CCR3: variants seen among roughly 807,000 people sequenced by gnomAD.
CCR3 encodes the protein C-C chemokine receptor type 3.
For synonymous variants in CCR3, 203 were observed against 179.2 expected (o/e 1.13, Z -1.06); for missense variants, 419 against 437.5 (o/e 0.96, Z 0.38).
intron 2 of CCR3, among the ~76,000 whole-genome samples, chr3:46,234,730 C>T (rs929459139): frequency 6.6e-6 from 1 of 152,138 alleles, no homozygotes; most frequent in Non-Finnish European, 1.5e-5. Context: ...ATAATTTATC[C>T]CAAATTTATG....
chr3:46,262,092 TCC>T (rs1559539037), intron 1 of CCR3, among the ~76,000 whole-genome samples: 7 of 152,256 alleles, frequency 4.6e-5, no homozygotes, highest in Non-Finnish European at 5.9e-5. Context: ...TGGCCCTTCC[TCC>T]AGATCTCTGC....
intron 1 of CCR3, among the ~76,000 whole-genome samples, chr3:46,260,559 C>T (rs556041129): frequency 1.3e-5 from 2 of 152,186 alleles, no homozygotes; most frequent in Non-Finnish European, 2.9e-5. Flanking sequence ...GCAGTCAAAC[C>T]TTAAAGCTCC....
At chr3:46,234,417 T>G (rs1700001432) in intron 2 of CCR3, among the ~76,000 whole-genome samples, 1 of 152,142 alleles carries the variant, frequency 6.6e-6, no homozygotes, top group Non-Finnish European at 1.5e-5. Flanking sequence ...CCTTGACATC[T>G]GTGAAACATC....
chr3:46,224,407 G>C (rs965232458), intron 2 of CCR3, among the ~76,000 whole-genome samples: 4 of 150,822 alleles, frequency 2.7e-5, no homozygotes, highest in African/African-American at 7.3e-5. Flanking sequence ...GACCAGCCTG[G>C]CTAACACCAA....
At chr3:46,216,526 T>C (rs1022114457) in intron 2 of CCR3, among the ~76,000 whole-genome samples, 5 of 152,184 alleles carry the variant, frequency 3.3e-5, no homozygotes, top group Admixed American at 2.0e-4. Flanking sequence ...AAGATCATCA[T>C]CTAGGCACCT....
chr3:46,242,762 A>G (rs1700106199), intron 1 of CCR3, among the ~76,000 whole-genome samples: 1 of 151,618 alleles, frequency 6.6e-6, no homozygotes, highest in Non-Finnish European at 1.5e-5. Context: ...CCACACAATG[A>G]TAAGTTTGCG....
chr3:46,264,508 T>C (rs1268283949), intron 1 of CCR3: 3 of 1,125,456 alleles, frequency 2.7e-6, no homozygotes, highest in Non-Finnish European at 3.8e-6. Flanking sequence ...CATTTGAATC[T>C]AGTGACAGGA....
rs1428569859 is a variant in CCR3, at chr3:46,242,521, C to T, written c.-29C>T. ...TATCGAAATACAATAGAAGTTTTTA[C>T]TTAGAAGAGATTTTCAGGTAGGTGT... On this transcript the variant is annotated 5_prime_UTR_variant, in exon 1 of 2. Coordinates refer to ENST00000395940, the MANE Select transcript of CCR3 (RefSeq NM_178329.3). The T allele has an allele frequency of 1.3e-5, 2 of 151,800 alleles. No individual in the cohort carries two copies. The highest frequency in any genetic ancestry group is 2.4e-5 in the African/African-American group (1 of 41,278). The allele number at this position is 151,800 out of a possible 1,614,324, so 9.4% of individuals were successfully genotyped here.
At chr3:46,213,913 C>T (rs1699745096) in intron 2 of CCR3, among the ~76,000 whole-genome samples, 1 of 152,190 alleles carries the variant, frequency 6.6e-6, no homozygotes, top group African/African-American at 2.4e-5. Flanking sequence ...CAGTCTCTCC[C>T]TTAAACACAC....
chr3:46,262,893 G>C (rs975141244), intron 1 of CCR3, among the ~76,000 whole-genome samples: 4 of 152,134 alleles, frequency 2.6e-5, no homozygotes, highest in African/African-American at 9.7e-5. Context: ...GGGCTCAGGT[G>C]AGCCTCCCAC....
chr3:46,261,169 G>C (rs1468246107), intron 1 of CCR3, among the ~76,000 whole-genome samples: 4 of 152,136 alleles, frequency 2.6e-5, no homozygotes, highest in Non-Finnish European at 4.4e-5. Context: ...ATTTACAAAT[G>C]TAACACAATT....
intron 2 of CCR3, among the ~76,000 whole-genome samples, chr3:46,224,027 G>A (rs1241831833): frequency 6.6e-6 from 1 of 152,042 alleles, no homozygotes; most frequent in African/African-American, 2.4e-5. Context: ...TCAAATAAAG[G>A]GATGCATATA....
intron 2 of CCR3, among the ~76,000 whole-genome samples, chr3:46,212,311 T>C (rs1699723902): frequency 6.6e-6 from 1 of 152,166 alleles, no homozygotes; most frequent in Non-Finnish European, 1.5e-5. Flanking sequence ...GGGCACACTG[T>C]CTGCATGACG....
At chr3:46,213,759 A>G (rs201180831) in intron 2 of CCR3, among the ~76,000 whole-genome samples, 2 of 151,864 alleles carry the variant, frequency 1.3e-5, no homozygotes, top group East Asian at 3.9e-4. Flanking sequence ...TACATTTACT[A>G]CTCACTGCCT....
At chr3:46,257,764 G>A (rs184071536) in intron 1 of CCR3, among the ~76,000 whole-genome samples, 11 of 152,192 alleles carry the variant, frequency 7.2e-5, no homozygotes, top group African/African-American at 2.2e-4. Context: ...CAATTAAGGC[G>A]GCTAAGAAGT....
intron 1 of CCR3, among the ~76,000 whole-genome samples, chr3:46,255,003 G>A (rs1264946508): frequency 6.6e-6 from 1 of 151,882 alleles, no homozygotes; most frequent in East Asian, 1.9e-4. Flanking sequence ...GGTTGTACTA[G>A]TTTACATACC....
intron 1 of CCR3, among the ~76,000 whole-genome samples, chr3:46,247,221 C>G (rs1700214404): frequency 6.6e-6 from 1 of 151,954 alleles, no homozygotes; most frequent in Non-Finnish European, 1.5e-5. Flanking sequence ...GCAGTGTAAA[C>G]AAGAGCAGGG....
intron 2 of CCR3, among the ~76,000 whole-genome samples, chr3:46,223,315 G>T (rs1434491047): frequency 6.6e-6 from 1 of 152,188 alleles, no homozygotes; most frequent in Non-Finnish European, 1.5e-5. Context: ...ACTCCAGCCT[G>T]GGTGACAGAG....
In CCR3 at chr3:46,266,177, G is replaced by A. The variant is rs1700630780; in HGVS notation, c.1019G>A (p.Ser340Asn). ...FLPSEKLERT[S>N]SVSPSTAEPE... ...CCTAGTGAGAAGCTGGAAAGAACCA[G>A]CTCTGTCTCTCCATCCACAGCAGAG... Residue 340 changes from serine (S) to asparagine (N), a missense_variant, in exon 2 of 2, where the codon AGC becomes AAC. By Grantham distance (46) the Ser-to-Asn change is conservative. Coordinates refer to ENST00000395940, the MANE Select transcript of CCR3 (RefSeq NM_178329.3). 1 of 1,613,908 alleles carries A rather than the reference G, an allele frequency of 6.2e-7. No homozygotes were observed. Among genetic ancestry groups the A allele is most frequent in the African/African-American group, 1.3e-5 (1 of 74,908 alleles).
Sources: allele counts gnomAD v4.1 joint callset (sites outside exome capture counted in the v4.1 genomes callset), GRCh38; gene constraint gnomAD v4.1.1; transcripts MANE v1.5; gene names NCBI Gene and HGNC (gene_info 2026-07-23, HGNC 2026-07-21).